Variants in USP10 observed in about 807,000 individuals in gnomAD.
The protein encoded by USP10 is ubiquitin carboxyl-terminal hydrolase 10.
USP10 carries 22 observed loss-of-function variants against 84.5 expected under a neutral mutation model. The ratio of observed to expected loss-of-function variants is 0.26; its 90% CI spans 0.19 to 0.37. USP10 has a LOEUF of 0.37. USP10 is among the 10% of genes least tolerant of loss of function. The probability of loss-of-function intolerance (pLI) is 1.00; values close to 1 mark genes in which losing one functional copy is unlikely to be tolerated. For missense variants in USP10, 1,019 were observed against 998.9 expected (o/e 1.02, Z -0.27); for synonymous variants, 454 against 387.6 (o/e 1.17, Z -2.01).
chr16:84,704,844 C>G (rs753428583), intron 1 of USP10: 62 of 1,535,620 alleles, frequency 4.0e-5, no homozygotes, highest in Middle Eastern at 3.3e-4. Context: ...TGGTTGCCCT[C>G]TCCTGGAATA....
chr16:84,774,945 T>G (rs530291189), intron 12 of USP10, among the ~76,000 whole-genome samples: 14 of 152,324 alleles, frequency 9.2e-5, no homozygotes, highest in African/African-American at 3.4e-4. Flanking sequence ...TCCTGTTTCT[T>G]TAGTGAGCTG....
intron 4 of USP10, among the ~76,000 whole-genome samples, chr16:84,749,276 T>C (rs1911620088): frequency 6.6e-6 from 1 of 152,370 alleles, no homozygotes; most frequent in East Asian, 1.9e-4. Flanking sequence ...GGGCACACTT[T>C]TAAGTGTAGG....
At chr16:84,762,021 C>T (rs532420182) in intron 8 of USP10, among the ~76,000 whole-genome samples, 1 of 152,232 alleles carries the variant, frequency 6.6e-6, no homozygotes, top group African/African-American at 2.4e-5. Context: ...TCAAACAGAA[C>T]AATTTGCAGG....
intron 1 of USP10, among the ~76,000 whole-genome samples, chr16:84,700,703 C>T (rs1418639023): frequency 6.6e-6 from 1 of 152,190 alleles, no homozygotes; most frequent in Non-Finnish European, 1.5e-5. Flanking sequence ...AAATAAGTCG[C>T]AAGGACCGTA....
At chr16:84,778,402 G>A (rs1378517129) in intron 13 of USP10, among the ~76,000 whole-genome samples, 3 of 152,158 alleles carry the variant, frequency 2.0e-5, no homozygotes, top group Admixed American at 2.0e-4. Flanking sequence ...AAAATAAATT[G>A]TGTTATTTTA....
In USP10 at chr16:84,768,339, C is replaced by T. The variant is rs778752674; in HGVS notation, c.1979C>T (p.Thr660Ile). 6.2e-7 allele frequency: 1 copy of T among 1,603,780 alleles called. No individual in the cohort carries two copies. Among genetic ancestry groups the T allele is most frequent in the Non-Finnish European group, 8.5e-7 (1 of 1,174,346 alleles). Residue 660 changes from threonine to isoleucine, a missense_variant, in exon 11 of 14, where the codon ACC (threonine) becomes ATC (isoleucine). This residue lies in a region of USP10 where 232 missense variants were observed against 290.1 expected (regional missense o/e 0.80). Transcript: ENST00000219473. Reference sequence around the variant, plus strand: ...GCAAGAGAATCTGTCCAAGGTTATACCACAAAAACCAAACAAGAGGTATGT... The same window carrying T: ...GCAAGAGAATCTGTCCAAGGTTATATCACAAAAACCAAACAAGAGGTATGT... Reference protein sequence around the residue: ...LVARESVQGYTTKTKQEVEIS... With the variant: ...LVARESVQGYITKTKQEVEIS...
intron 2 of USP10, among the ~76,000 whole-genome samples, chr16:84,735,412 G>C (rs1909804320): frequency 6.6e-6 from 1 of 152,146 alleles, no homozygotes; most frequent in African/African-American, 2.4e-5. Context: ...AAAGTGAAAA[G>C]TGCACCGTAT....
intron 2 of USP10, among the ~76,000 whole-genome samples, chr16:84,738,406 A>C (rs74029990): frequency 0.035 from 5,354 of 152,254 alleles, 279 homozygotes; most frequent in African/African-American, 0.12. Context: ...AAAAGAGGGC[A>C]TTCTATGTAT....
At chr16:84,751,603 A>C (rs1243151291) in intron 4 of USP10, among the ~76,000 whole-genome samples, 1 of 152,214 alleles carries the variant, frequency 6.6e-6, no homozygotes, top group African/African-American at 2.4e-5. Context: ...ATCTGTAGTC[A>C]ATGGGTAGTG....
In USP10 at chr16:84,700,925, G is replaced by T. The variant is rs375761746; in HGVS notation, c.21+814G>T. Among the ~76,000 whole-genome samples the T allele has an allele frequency of 4.7e-5, 7 of 150,438 alleles. No individual in the cohort carries two copies. The East Asian group carries it at 7.9e-4, about 17-fold the overall frequency. On this transcript the variant is annotated intron_variant, in intron 1 of 13. Coordinates refer to ENST00000219473, the MANE Select transcript of USP10 (RefSeq NM_005153.3). ...TTCTCTCACATCTTCTCCCCCCTCC[G>T]CCATTATAATTATTCTGGACAAAAA...
At chr16:84,733,366 TAGCATTTTTTCTGAA>T in intron 1 of USP10, 54 bp from the exon 2 acceptor site, 1 of 1,237,002 alleles carries the variant, frequency 8.1e-7, no homozygotes, top group Non-Finnish European at 1.2e-6. Context: ...TTAAAATATG[TAGCATTTTTTCTGAA>T]AGTATATAAT....
At chr16:84,774,653 A>G (rs376846675) in intron 12 of USP10, among the ~76,000 whole-genome samples, 16 of 151,956 alleles carry the variant, frequency 1.1e-4, no homozygotes, top group East Asian at 3.9e-4. Context: ...TGTATTTTTA[A>G]TAGAGACGTG....
chr16:84,729,155 C>T (rs1013871347), intron 1 of USP10, among the ~76,000 whole-genome samples: 5 of 152,190 alleles, frequency 3.3e-5, no homozygotes, highest in East Asian at 1.9e-4. Flanking sequence ...CATTGTAGTG[C>T]TTTGAATGAT....
At chr16:84,762,346 C>G (rs950367464) in intron 8 of USP10, among the ~76,000 whole-genome samples, 3 of 152,160 alleles carry the variant, frequency 2.0e-5, no homozygotes, top group African/African-American at 7.2e-5. Flanking sequence ...TCTTCGTCTT[C>G]TATTTTGTTT....
chr16:84,723,419 C>G (rs969812149), intron 1 of USP10, among the ~76,000 whole-genome samples: 2 of 152,130 alleles, frequency 1.3e-5, no homozygotes, highest in African/African-American at 2.4e-5. Flanking sequence ...GAAAGATGTA[C>G]TCCTAGCTGG....
Position 84,719,234 on chromosome 16 carries a change from A to G in USP10, c.22-14201A>G, listed in dbSNP as rs143277554. 1.5e-3 allele frequency among the ~76,000 whole-genome samples: 222 copies of G among 152,330 alleles called. 2 individuals are homozygous for G. Among genetic ancestry groups the G allele is most frequent in the African/African-American group, 3.5e-3 (145 of 41,584 alleles). On this transcript the variant is annotated intron_variant, in intron 1 of 13. Coordinates refer to ENST00000219473, the MANE Select transcript of USP10 (RefSeq NM_005153.3). Reference sequence around the variant, plus strand: ...CTTTATATAGTGAGTAATTATCTCAAATTATTTTATAATTTCTTTTTTAAC... The same window carrying G: ...CTTTATATAGTGAGTAATTATCTCAGATTATTTTATAATTTCTTTTTTAAC...
chr16:84,716,729 G>A (rs1319922970), intron 1 of USP10, among the ~76,000 whole-genome samples: 3 of 152,116 alleles, frequency 2.0e-5, no homozygotes, highest in East Asian at 1.9e-4. Context: ...CACGACCTTC[G>A]GCAAGGTTGG....
At chr16:84,759,529 A>G in intron 6 of USP10, 57 bp downstream of exon 6, 2 of 1,472,300 alleles carry the variant, frequency 1.4e-6, no homozygotes, top group Non-Finnish European at 1.9e-6. Flanking sequence ...TCTGATAATT[A>G]GAATTGAAAT....
chr16:84,723,169 T>TC (rs1567601215), intron 1 of USP10, among the ~76,000 whole-genome samples: 2 of 151,788 alleles, frequency 1.3e-5, no homozygotes, highest in African/African-American at 2.4e-5. Context: ...TGGCCTTTTT[T>TC]CCCCCTTATA....
Sources: gnomAD v4.1 joint callset for allele counts (sites outside exome capture counted in the v4.1 genomes callset) on GRCh38, gnomAD v4.1.1 for gene constraint, gnomAD v4.1.1 regional missense constraint, MANE v1.5 for transcripts, NCBI Gene and HGNC (gene_info 2026-07-23, HGNC 2026-07-21) for gene names.